ERBB4: variants seen among roughly 807,000 people sequenced by gnomAD.
The protein encoded by ERBB4 is receptor tyrosine-protein kinase erbB-4.
Under a neutral mutation model 158.0 loss-of-function variants are expected in ERBB4, and 42 were observed. The ratio of observed to expected loss-of-function variants is 0.27; its 90% CI spans 0.21 to 0.34. ERBB4 has a LOEUF of 0.34. Among genes scored for constraint, ERBB4 ranks in the 10% least tolerant of loss-of-function variants. ERBB4 has a pLI of 1.00. For synonymous variants in ERBB4, 583 were observed against 558.7 expected, an observed-to-expected ratio of 1.04 and a Z score of -0.61; for missense variants, 1,333 against 1,624.1, an observed-to-expected ratio of 0.82 and a Z score of 3.08.
chr2:211,550,126 C>T (rs189670687), intron 20 of ERBB4, among the ~76,000 whole-genome samples: 5 of 152,146 alleles, frequency 3.3e-5, no homozygotes, highest in Admixed American at 1.3e-4. Context: ...AGCTAATAAA[C>T]GTATCCTTCA....
At chr2:212,274,333 T>C (rs1464391780) in intron 1 of ERBB4, among the ~76,000 whole-genome samples, 1 of 151,816 alleles carries the variant, frequency 6.6e-6, no homozygotes, top group African/African-American at 2.4e-5. Context: ...CATGGTGTTA[T>C]TCAAGGTTTA....
chr2:212,339,785 A>G (rs1456903480), intron 1 of ERBB4, among the ~76,000 whole-genome samples: 1 of 152,152 alleles, frequency 6.6e-6, no homozygotes, highest in Non-Finnish European at 1.5e-5. Flanking sequence ...CACATTAAAA[A>G]TATGCTTTTT....
At chr2:211,696,551 A>G (rs1051925843) in intron 12 of ERBB4, among the ~76,000 whole-genome samples, 2 of 152,234 alleles carry the variant, frequency 1.3e-5, no homozygotes, top group African/African-American at 4.8e-5. Context: ...TGCTGAGATT[A>G]AAACCCAGGC....
chr2:211,911,508 C>A lies in ERBB4; in HGVS notation c.421+35922G>T, dbSNP rs192327558. Among the ~76,000 whole-genome samples the A allele has an allele frequency of 6.7e-3, 1,015 of 152,230 alleles. 3 individuals carry two copies. The highest frequency in any genetic ancestry group is 0.011 in the Non-Finnish European group (749 of 68,004). On this transcript the variant is annotated intron_variant, in intron 3 of 27. Transcript: ENST00000342788. Reference sequence around the variant, plus strand: ...CTCCAGCTCCTGGGTTCAAGCAATCCTTCCACCTCTGCCTCTCAAAATATT... The same window carrying A: ...CTCCAGCTCCTGGGTTCAAGCAATCATTCCACCTCTGCCTCTCAAAATATT...
chr2:211,951,946 G>A (rs2080885697), intron 2 of ERBB4, among the ~76,000 whole-genome samples: 1 of 151,958 alleles, frequency 6.6e-6, no homozygotes, highest in Non-Finnish European at 1.5e-5. Flanking sequence ...TGATAGTGAA[G>A]ATCCTATTTA....
chr2:211,461,503 G>C (rs1301553208), intron 20 of ERBB4, among the ~76,000 whole-genome samples: 1 of 152,074 alleles, frequency 6.6e-6, no homozygotes, highest in African/African-American at 2.4e-5. Context: ...TATGCAGAAG[G>C]GTTGTTCCTT....
intron 1 of ERBB4, among the ~76,000 whole-genome samples, chr2:212,446,637 A>ATATATATATC (rs1574935617): frequency 1.0e-5 from 1 of 99,352 alleles, no homozygotes; most frequent in African/African-American, 3.6e-5. Context: ...ATATATATAT[A>ATATATATATC]TCCTATTAGT....
At chr2:212,211,327 C>T (rs532610079) in intron 1 of ERBB4, among the ~76,000 whole-genome samples, 4 of 152,148 alleles carry the variant, frequency 2.6e-5, no homozygotes, top group South Asian at 2.1e-4. Context: ...GAAGACACAT[C>T]GCACACATAC....
intron 1 of ERBB4, among the ~76,000 whole-genome samples, chr2:212,142,114 A>C (rs117118913): frequency 6.6e-6 from 1 of 152,248 alleles, no homozygotes; most frequent in East Asian, 1.9e-4. Flanking sequence ...CTGATTATCA[A>C]TTTATGGATT....
At chr2:212,460,697 G>A (rs1688527496) in intron 1 of ERBB4, among the ~76,000 whole-genome samples, 1 of 152,164 alleles carries the variant, frequency 6.6e-6, no homozygotes. Context: ...TGTAAATAGA[G>A]AAGAGCATAC....
chr2:212,254,780 G>C (rs957802569), intron 1 of ERBB4, among the ~76,000 whole-genome samples: 2 of 152,070 alleles, frequency 1.3e-5, no homozygotes, highest in African/African-American at 4.8e-5. Context: ...AAGAGGATAA[G>C]GGACATGTTG....
chr2:212,310,999 T>G (rs2087021146), intron 1 of ERBB4, among the ~76,000 whole-genome samples: 1 of 150,880 alleles, frequency 6.6e-6, no homozygotes, highest in Admixed American at 6.6e-5. Flanking sequence ...ATAGCCTGTT[T>G]TGCACTAGTC....
intron 1 of ERBB4, among the ~76,000 whole-genome samples, chr2:212,166,114 T>C (rs1016436545): frequency 6.6e-6 from 1 of 152,036 alleles, no homozygotes; most frequent in African/African-American, 2.4e-5. Context: ...TCAACAAATA[T>C]TGGCTAAGCA....
intron 1 of ERBB4, among the ~76,000 whole-genome samples, chr2:212,248,224 G>C (rs1448948172): frequency 6.6e-6 from 1 of 152,058 alleles, no homozygotes; most frequent in African/African-American, 2.4e-5. Context: ...CAAAATTAAA[G>C]AATTTACTTG....
At chr2:211,394,393 T>C (rs2062867470) in intron 25 of ERBB4, among the ~76,000 whole-genome samples, 1 of 152,150 alleles carries the variant, frequency 6.6e-6, no homozygotes, top group Admixed American at 6.5e-5. Flanking sequence ...TTCTAGCAAC[T>C]TTCTCTTTTT....
rs6713335 is a variant in ERBB4 at position 211,963,937 on chromosome 2, C to A, written c.235-16321G>T. ...TTTTAAACATAAAAAATAACAATGT[C>A]TCACAGGGAGGAACAAATGAAAAAA... On this transcript the variant is annotated intron_variant, in intron 2 of 27. Transcript: ENST00000342788. 5.1e-3 allele frequency among the ~76,000 whole-genome samples: 770 copies of A among 152,250 alleles called. 7 individuals carry two copies. The highest frequency in any genetic ancestry group is 0.017 in the African/African-American group (725 of 41,554).
chr2:211,516,208 G>A (rs192755776), intron 20 of ERBB4, among the ~76,000 whole-genome samples: 30 of 151,726 alleles, frequency 2.0e-4, no homozygotes, highest in African/African-American at 6.5e-4. Flanking sequence ...GAGCCACTGC[G>A]CCCGGCCAAC....
intron 1 of ERBB4, among the ~76,000 whole-genome samples, chr2:212,156,361 G>T (rs2081035383): frequency 6.6e-6 from 1 of 151,886 alleles, no homozygotes; most frequent in South Asian, 2.1e-4. Flanking sequence ...GATCAGTTCT[G>T]CCATGATTAG....
intron 2 of ERBB4, among the ~76,000 whole-genome samples, chr2:211,965,380 CTA>C (rs570182919): frequency 8.5e-5 from 13 of 152,202 alleles, no homozygotes; most frequent in East Asian, 7.7e-4. Flanking sequence ...TCAATATAAT[CTA>C]TATTCATTTT....
Sources: allele counts gnomAD v4.1 joint callset (sites outside exome capture counted in the v4.1 genomes callset), GRCh38; gene constraint gnomAD v4.1.1; transcripts MANE v1.5; gene names NCBI Gene and HGNC (gene_info 2026-07-23, HGNC 2026-07-21).